The following CHRM2 variants were observed in gnomAD, a reference collection of about 807,000 sequenced individuals.
CHRM2 encodes muscarinic acetylcholine receptor M2.
CHRM2 carries 8 observed loss-of-function variants against 25.0 expected under a neutral mutation model. That is an observed-to-expected ratio of 0.32 (90% CI 0.19 to 0.58). The LOEUF is 0.58. Among genes scored for constraint, CHRM2 ranks in the 20% least tolerant of loss-of-function variants. The pLI, the probability that CHRM2 is intolerant of heterozygous loss-of-function variation, is 0.88. For missense variants in CHRM2, 440 were observed against 567.1 expected (o/e 0.78, Z 2.28); for synonymous variants, 202 against 205.7 (o/e 0.98, Z 0.15).
At chr7:136,931,958 A>C (rs2130782731) in intron 2 of CHRM2, among the ~76,000 whole-genome samples, 1 of 152,296 alleles carries the variant, frequency 6.6e-6, no homozygotes, top group African/African-American at 2.4e-5. Flanking sequence ...CGTGGGTTTT[A>C]ATTAAGGTTG....
intron 3 of CHRM2, among the ~76,000 whole-genome samples, chr7:137,002,954 T>A (rs894920538): frequency 3.9e-5 from 6 of 152,102 alleles, no homozygotes; most frequent in Non-Finnish European, 5.9e-5. Context: ...ATATTGTCAA[T>A]GGTAGATTTT....
intron 2 of CHRM2, among the ~76,000 whole-genome samples, chr7:136,971,246 C>T (rs750808291): frequency 6.6e-6 from 1 of 152,184 alleles, no homozygotes; most frequent in Non-Finnish European, 1.5e-5. Flanking sequence ...ACACAGAAAG[C>T]AGTCAGCCTG....
chr7:136,985,293 T>A (rs1802772291), intron 2 of CHRM2, among the ~76,000 whole-genome samples: 1 of 142,190 alleles, frequency 7.0e-6, no homozygotes, highest in Non-Finnish European at 1.6e-5. Flanking sequence ...GTGTAGATCA[T>A]GAGGCCAGGA....
rs146093146 is a variant in CHRM2 at position 137,011,194 on chromosome 7, C to CGTGTGTGTGTGTGT, written c.-46-3617_-46-3604dup. The stretch of plus-strand genomic sequence containing the variant: ...ACAGAACCAATAGGATATATGTGTA[C>CGTGTGTGTGTGTGT]GTGTGTGTGTGTGTGTGTGTGTATA... On this transcript the variant is annotated intron_variant, in intron 3 of 3. Coordinates refer to ENST00000680005, the MANE Select transcript of CHRM2 (RefSeq NM_001006630.2). Among the ~76,000 whole-genome samples, 46 of 136,384 alleles carry CGTGTGTGTGTGTGT rather than the reference C, an allele frequency of 3.4e-4. 1 individual carries two copies. The highest frequency in any genetic ancestry group is 1.3e-3 in the African/African-American group (42 of 32,196). 89.5% of individuals were successfully genotyped at this position (136,384 alleles called of 152,430 possible).
intron 2 of CHRM2, among the ~76,000 whole-genome samples, chr7:136,959,282 C>A (rs1800919539): frequency 6.6e-6 from 1 of 152,136 alleles, no homozygotes; most frequent in Non-Finnish European, 1.5e-5. Context: ...TAAAATGTAA[C>A]TCAGAGTATG....
At position 137,016,385 on chromosome 7, in the gene CHRM2, G is replaced by A; in HGVS notation, c.*119G>A. ...ACTTTATAGTCTGATTACAAAACGT[G>A]CAATTCAGGAGCCCAGCAGTGACAC... is the stretch of plus-strand genomic sequence containing the variant. On this transcript the variant is annotated 3_prime_UTR_variant, in exon 4 of 4. Transcript: ENST00000680005. The A allele has an allele frequency of 9.1e-7, 1 of 1,102,716 alleles. No homozygotes were observed. The highest frequency in any genetic ancestry group is 1.3e-6 in the Non-Finnish European group (1 of 744,234). 68.3% of individuals were successfully genotyped at this position (1,102,716 alleles called of 1,614,324 possible).
intron 2 of CHRM2, among the ~76,000 whole-genome samples, chr7:136,921,184 C>T (rs1247614791): frequency 1.3e-5 from 2 of 152,056 alleles, no homozygotes; most frequent in Non-Finnish European, 1.5e-5. Context: ...TTCTTCTCAC[C>T]CCTGTCATTT....
chr7:136,870,995 C>T (rs1485759326), intron 2 of CHRM2: 1 of 152,590 alleles, frequency 6.6e-6, no homozygotes, highest in African/African-American at 2.4e-5. Context: ...TTTGCCCATC[C>T]CCTAGTACAC....
At chr7:136,889,133 T>A (rs1317383812) in intron 2 of CHRM2, among the ~76,000 whole-genome samples, 1 of 151,480 alleles carries the variant, frequency 6.6e-6, no homozygotes, top group Admixed American at 6.6e-5. Context: ...TTGTACTGTC[T>A]CCATTTCTTC....
chr7:136,922,019 A>G (rs999895090), intron 2 of CHRM2, among the ~76,000 whole-genome samples: 6 of 151,978 alleles, frequency 3.9e-5, no homozygotes, highest in Non-Finnish European at 7.4e-5. Context: ...TGCCTGCCTC[A>G]TTCTCCCAAA....
intron 2 of CHRM2, among the ~76,000 whole-genome samples, chr7:136,981,813 GTGTT>G (rs1802508748): frequency 6.6e-6 from 1 of 152,044 alleles, no homozygotes; most frequent in African/African-American, 2.4e-5. Context: ...GTCTGAGAGA[GTGTT>G]TGTTAAGATT....
intron 3 of CHRM2, among the ~76,000 whole-genome samples, chr7:137,010,322 T>G (rs938930232): frequency 6.6e-6 from 1 of 152,062 alleles, no homozygotes; most frequent in African/African-American, 2.4e-5. Flanking sequence ...GTTTCCATAG[T>G]ACTTCCAGGC....
intron 3 of CHRM2, among the ~76,000 whole-genome samples, chr7:136,996,131 A>G (rs1342425023): frequency 6.6e-6 from 1 of 151,928 alleles, no homozygotes; most frequent in East Asian, 1.9e-4. Flanking sequence ...TTTAAAATTG[A>G]TATTAGATCT....
intron 2 of CHRM2, among the ~76,000 whole-genome samples, chr7:136,875,003 T>C (rs1487287588): frequency 6.7e-6 from 1 of 150,020 alleles, no homozygotes; most frequent in Non-Finnish European, 1.5e-5. Flanking sequence ...ATCTTTAGAA[T>C]GGAAACATTT....
At chr7:136,943,517 A>C (rs1745497048) in intron 2 of CHRM2, among the ~76,000 whole-genome samples, 1 of 152,288 alleles carries the variant, frequency 6.6e-6, no homozygotes, top group Non-Finnish European at 1.5e-5. Context: ...TAATTATGTT[A>C]ATTTATGCAT....
chr7:136,941,967 A>G (rs1160708293), intron 2 of CHRM2, among the ~76,000 whole-genome samples: 2 of 152,100 alleles, frequency 1.3e-5, no homozygotes, highest in Non-Finnish European at 2.9e-5. Flanking sequence ...TCTGTTTCCT[A>G]GGCCTCAACA....
At chr7:136,970,998 A>T (rs1160313902) in intron 2 of CHRM2, among the ~76,000 whole-genome samples, 2 of 152,218 alleles carry the variant, frequency 1.3e-5, no homozygotes, top group Non-Finnish European at 2.9e-5. Flanking sequence ...AAATAAATTA[A>T]TTACTCCTCT....
At chr7:136,875,833 T>G (rs1796031407) in intron 2 of CHRM2, among the ~76,000 whole-genome samples, 1 of 152,196 alleles carries the variant, frequency 6.6e-6, no homozygotes, top group African/African-American at 2.4e-5. Flanking sequence ...GTGTAATGAC[T>G]GGTACAGTGT....
chr7:136,872,914 C>G (rs1348099925), intron 2 of CHRM2, among the ~76,000 whole-genome samples: 2 of 152,188 alleles, frequency 1.3e-5, no homozygotes, highest in Non-Finnish European at 2.9e-5. Flanking sequence ...CGAACCCTTT[C>G]TATTATCTTC....
Sources: allele counts gnomAD v4.1 joint callset (sites outside exome capture counted in the v4.1 genomes callset), GRCh38; gene constraint gnomAD v4.1.1; transcripts MANE v1.5; gene names NCBI Gene and HGNC (gene_info 2026-07-23, HGNC 2026-07-21).